Variants in NOTCH2NLA observed in about 807,000 individuals in gnomAD.
NOTCH2NLA encodes the protein notch 2 N-terminal like A.
At chr1:146,152,434 G>GA (rs368687489), downstream of NOTCH2NLA, 101 of 764 alleles carry the variant, frequency 0.13, 7 homozygotes, top group Non-Finnish European at 0.2. Flanking sequence ...GGGAAAGAAA[G>GA]AAAAAAAAGA....
intron 2 of NOTCH2NLA, among the ~76,000 whole-genome samples, chr1:146,186,999 G>A (rs1662801881): frequency 7.6e-6 from 1 of 131,254 alleles, no homozygotes; most frequent in South Asian, 2.4e-4. Flanking sequence ...ACGTGCATTA[G>A]GTATTCATCC....
chr1:146,174,400 C>CTT (rs1209878010), intron 2 of NOTCH2NLA, among the ~76,000 whole-genome samples: 29,262 of 95,878 alleles, frequency 0.31, 1,007 homozygotes, highest in African/African-American at 0.4. Flanking sequence ...CTGTCTTTAG[C>CTT]TTTTTTTTTT....
intron 1 of NOTCH2NLA, among the ~76,000 whole-genome samples, chr1:146,198,843 G>A (rs1199907968): frequency 5.1e-5 from 3 of 58,940 alleles, no homozygotes; most frequent in South Asian, 5.0e-4. Context: ...CCAGGCTGGA[G>A]TGCAGTGGCG....
At chr1:146,185,932 T>G (rs1331022230) in intron 2 of NOTCH2NLA, among the ~76,000 whole-genome samples, 9 of 135,782 alleles carry the variant, frequency 6.6e-5, no homozygotes, top group African/African-American at 1.7e-4. Flanking sequence ...ATCTTCTTTC[T>G]CCACAGAAAA....
intron 2 of NOTCH2NLA, among the ~76,000 whole-genome samples, chr1:146,180,522 CTAAG>C (rs1441906700): frequency 7.0e-6 from 1 of 142,538 alleles, no homozygotes; most frequent in Non-Finnish European, 1.6e-5. Flanking sequence ...ACTCAGAGGA[CTAAG>C]TGCTAGTGAA....
intron 1 of NOTCH2NLA, among the ~76,000 whole-genome samples, chr1:146,219,795 T>TAAAAA (rs782014725): frequency 1.3e-5 from 1 of 78,578 alleles, no homozygotes; most frequent in Non-Finnish European, 2.2e-5. Context: ...GTTCATAAAC[T>TAAAAA]AAAAAAAAAA....
In NOTCH2NLA at chr1:146,171,387, C is replaced by T. The variant is rs1341372844; in HGVS notation, c.39-6377G>A. 1.3e-4 allele frequency among the ~76,000 whole-genome samples: 18 copies of T among 141,084 alleles called. 2 individuals are homozygous for T. The highest frequency in any genetic ancestry group is 2.9e-4 in the Admixed American group (4 of 13,598). The allele number at this position is 141,084 out of a possible 152,430, so 92.6% of individuals were successfully genotyped here. A position where few individuals can be genotyped will look rare whatever the true frequency, so the allele number is the denominator to read the frequency against. Reference sequence around the variant, plus strand: ...TGGAGGTTGCAGTGAGCCAAGATCGCGCCACTGCACTCCAGCCTGGGCAAC... The same window carrying T: ...TGGAGGTTGCAGTGAGCCAAGATCGTGCCACTGCACTCCAGCCTGGGCAAC... On this transcript the variant is annotated intron_variant, in intron 2 of 4. Coordinates refer to ENST00000362074, the Ensembl canonical transcript of NOTCH2NLA.
chr1:146,158,066 C>T (rs1202395342), intron 3 of NOTCH2NLA, among the ~76,000 whole-genome samples: 2 of 149,990 alleles, frequency 1.3e-5, no homozygotes, highest in East Asian at 1.9e-4. Context: ...AATATCCTCA[C>T]AGAACTAGTA....
chr1:146,173,004 C>T (rs1388046098), intron 2 of NOTCH2NLA, among the ~76,000 whole-genome samples: 2 of 150,406 alleles, frequency 1.3e-5, no homozygotes, highest in Non-Finnish European at 3.0e-5. Flanking sequence ...CCAAATCAAC[C>T]TAATAGTCAT....
At chr1:146,170,496 G>A (rs2794075) in intron 2 of NOTCH2NLA, among the ~76,000 whole-genome samples, 13 of 139,328 alleles carry the variant, frequency 9.3e-5, no homozygotes, top group African/African-American at 3.1e-4. Context: ...CGTAGAGATA[G>A]AAAGTAGATT....
downstream of NOTCH2NLA, chr1:146,154,038 CACACACACACACACACACACAT>C (rs1661022905): frequency 1.7e-5 from 2 of 115,460 alleles, no homozygotes; most frequent in Admixed American, 8.4e-5. Flanking sequence ...CACACACACA[CACACACACACACACACACACAT>C]ATTGATATGT....
At chr1:146,172,726 T>G (rs1355310681) in intron 2 of NOTCH2NLA, among the ~76,000 whole-genome samples, 106 of 151,734 alleles carry the variant, frequency 7.0e-4, no homozygotes, top group Non-Finnish European at 1.2e-3. Flanking sequence ...TGCACTACAT[T>G]GTCTCCGCTG....
chr1:146,158,097 G>A (rs1661254231), intron 3 of NOTCH2NLA, among the ~76,000 whole-genome samples: 1 of 151,260 alleles, frequency 6.6e-6, no homozygotes, highest in South Asian at 2.1e-4. Context: ...TCACATGGCT[G>A]GCTTTTTGTT....
intron 1 of NOTCH2NLA, among the ~76,000 whole-genome samples, chr1:146,200,640 C>T (rs868925322): frequency 8.2e-6 from 1 of 121,770 alleles, no homozygotes; most frequent in Non-Finnish European, 1.8e-5. Context: ...CTCTTAAAAA[C>T]GCCAGTCCTC....
intron 2 of NOTCH2NLA, among the ~76,000 whole-genome samples, chr1:146,180,185 T>C (rs1454155552): frequency 2.1e-5 from 3 of 142,938 alleles, no homozygotes; most frequent in Non-Finnish European, 4.8e-5. Context: ...CCTGAATCTA[T>C]ACAGATTTAA....
At chr1:146,200,698 T>C (rs1261702452) in intron 1 of NOTCH2NLA, among the ~76,000 whole-genome samples, 2 of 129,100 alleles carry the variant, frequency 1.5e-5, no homozygotes, top group Admixed American at 7.8e-5. Flanking sequence ...TTATTGTAAA[T>C]GCAAGCAAGA....
At chr1:146,161,807 C>T (rs1268532248) in intron 3 of NOTCH2NLA, among the ~76,000 whole-genome samples, 1 of 53,828 alleles carries the variant, frequency 1.9e-5, no homozygotes, top group Admixed American at 2.4e-4. Context: ...TACTCCAGAA[C>T]GGAGGTAAGA....
At position 146,188,009 on chromosome 1, in the gene NOTCH2NLA, G is replaced by GA. The variant is rs1297473108; in HGVS notation, c.38+1290dup. 5.3e-4 allele frequency among the ~76,000 whole-genome samples: 70 copies of GA among 131,482 alleles called. 7 individuals carry two copies. Among genetic ancestry groups the GA allele is most frequent in the Admixed American group, 4.9e-3 (62 of 12,542 alleles). 86.3% of individuals were successfully genotyped at this position (131,482 alleles called of 152,430 possible). ...TAGTGAAGAAAATTATTTCTGACTT[G>GA]AAAAAAAAATCTTGTTTATAACATT... On this transcript the variant is annotated intron_variant, in intron 2 of 4. Transcript: ENST00000362074.
At chr1:146,158,001 A>T (rs1553803246) in intron 3 of NOTCH2NLA, among the ~76,000 whole-genome samples, 1 of 124,998 alleles carries the variant, frequency 8.0e-6, no homozygotes, top group Non-Finnish European at 1.7e-5. Context: ...AAACTAAATC[A>T]TGATGCCAGG....
Sources: allele counts gnomAD v4.1 joint callset (sites outside exome capture counted in the v4.1 genomes callset), GRCh38; gene constraint gnomAD v4.1.1; transcripts MANE v1.5; gene names NCBI Gene and HGNC (gene_info 2026-07-23, HGNC 2026-07-21).